Variants in CYSLTR2 observed in about 807,000 individuals in gnomAD.
The protein encoded by CYSLTR2 is cysteinyl leukotriene receptor 2, also known as G-protein coupled receptor GPCR21.
For missense variants in CYSLTR2, 398 were observed against 411.9 expected (o/e 0.97, Z 0.29); for synonymous variants, 179 against 160.8 (o/e 1.11, Z -0.86).
Position 48,673,374 on chromosome 13 carries a change from T to A in CYSLTR2, c.-265-17838T>A, listed in dbSNP as rs555861374. On this transcript the variant is annotated intron_variant, in intron 1 of 4. Transcript: ENST00000682523. ...TCATTATGTGATTCCCTTCTTTGCC[T>A]TTTTTGATCTTTGTTGGTTTAAAGT... is the stretch of plus-strand genomic sequence containing the variant. Among the ~76,000 whole-genome samples, 102 of 152,096 alleles carry A rather than the reference T, an allele frequency of 6.7e-4. 1 individual carries two copies. Among genetic ancestry groups the A allele is most frequent in the African/African-American group, 2.2e-3 (93 of 41,500 alleles).
At chr13:48,661,779 CATGTA>C (rs1392099133) in intron 1 of CYSLTR2, among the ~76,000 whole-genome samples, 1 of 152,152 alleles carries the variant, frequency 6.6e-6, no homozygotes, top group Admixed American at 6.5e-5. Context: ...TGTTTCTATA[CATGTA>C]ATGTATATTG....
intron 1 of CYSLTR2, among the ~76,000 whole-genome samples, chr13:48,682,205 C>T (rs1313234511): frequency 2.6e-5 from 4 of 152,106 alleles, no homozygotes; most frequent in Admixed American, 2.0e-4. Flanking sequence ...CTTTATTGAC[C>T]TGGCTTGTGC....
chr13:48,673,433 C>CTTTTT (rs61699943), intron 1 of CYSLTR2, among the ~76,000 whole-genome samples: 28 of 48,312 alleles, frequency 5.8e-4, no homozygotes, highest in East Asian at 8.5e-4. Context: ...GTAACCCCGG[C>CTTTTT]TTTTTTTTTT....
intron 1 of CYSLTR2, among the ~76,000 whole-genome samples, chr13:48,654,860 C>G (rs1480999596): frequency 2.6e-5 from 4 of 152,146 alleles, no homozygotes; most frequent in Non-Finnish European, 5.9e-5. Flanking sequence ...TCAGGTGGTT[C>G]TAATGGGTGG....
chr13:48,707,401 T>C lies in CYSLTR2; in HGVS notation c.584T>C (p.Ile195Thr), dbSNP rs1351744290. 3.1e-6 allele frequency: 5 copies of C among 1,613,960 alleles called. No homozygotes were observed. In the African/African-American group the frequency reaches 4.0e-5, roughly 13 times the overall value. The change falls in exon 5 of 5, where the codon ATT becomes ACT. Residue 195 changes from isoleucine (I) to threonine (T), a missense_variant. Coordinates refer to ENST00000682523, the MANE Select transcript of CYSLTR2 (RefSeq NM_001308476.3). ...TSCLELNLYK[I>T]AKLQTMNYIA... Reference sequence around the variant, plus strand: ...TGCTTAGAGCTGAATCTCTATAAAATTGCTAAGCTGCAGACCATGAACTAT... The same window carrying C: ...TGCTTAGAGCTGAATCTCTATAAAACTGCTAAGCTGCAGACCATGAACTAT...
chr13:48,688,428 C>T (rs1430468217), intron 1 of CYSLTR2, among the ~76,000 whole-genome samples: 1 of 152,170 alleles, frequency 6.6e-6, no homozygotes, highest in Non-Finnish European at 1.5e-5. Flanking sequence ...GGCCAATAGG[C>T]CCTGATGTGT....
chr13:48,681,225 C>T (rs1156745607), intron 1 of CYSLTR2, among the ~76,000 whole-genome samples: 3 of 152,162 alleles, frequency 2.0e-5, no homozygotes, highest in Non-Finnish European at 4.4e-5. Flanking sequence ...AATTCTAGAA[C>T]TCAGTGTTGC....
rs191132879 is a variant in CYSLTR2, at chr13:48,690,120, T to C, written c.-265-1092T>C. Among the ~76,000 whole-genome samples, 504 of 152,364 alleles carry C rather than the reference T, an allele frequency of 3.3e-3. 4 individuals are homozygous for C. The highest frequency in any genetic ancestry group is 3.9e-3 in the Non-Finnish European group (262 of 68,046). On this transcript the variant is annotated intron_variant, in intron 1 of 4. Transcript: ENST00000682523. Reference sequence around the variant, plus strand: ...ACATTGATTTTGTATCCTGAGACTTTGCTGAATTTGCTTTGCTGAAGGAGT... The same window carrying C: ...ACATTGATTTTGTATCCTGAGACTTCGCTGAATTTGCTTTGCTGAAGGAGT...
At chr13:48,679,501 C>G (rs1953692744) in intron 1 of CYSLTR2, among the ~76,000 whole-genome samples, 2 of 152,194 alleles carry the variant, frequency 1.3e-5, no homozygotes, top group African/African-American at 4.8e-5. Context: ...CCACATCCTA[C>G]CACTAACTTG....
chr13:48,705,841 G>T (rs1954467394), intron 4 of CYSLTR2, among the ~76,000 whole-genome samples: 1 of 151,388 alleles, frequency 6.6e-6, no homozygotes, highest in South Asian at 2.1e-4. Context: ...GACTCTAAAA[G>T]GGAAGGACAG....
intron 1 of CYSLTR2, among the ~76,000 whole-genome samples, chr13:48,671,591 G>A (rs920088919): frequency 1.8e-4 from 27 of 152,138 alleles, no homozygotes; most frequent in East Asian, 5.8e-4. Flanking sequence ...ATTGATTTGC[G>A]TATGTTGAAC....
intron 1 of CYSLTR2, among the ~76,000 whole-genome samples, chr13:48,684,314 T>G (rs868154441): frequency 1.9e-4 from 29 of 152,126 alleles, no homozygotes; most frequent in Middle Eastern, 6.8e-3. Flanking sequence ...TGAGAGATTC[T>G]CATTATGAAC....
chr13:48,674,561 A>G (rs1285140360), intron 1 of CYSLTR2, among the ~76,000 whole-genome samples: 1 of 152,200 alleles, frequency 6.6e-6, no homozygotes, highest in East Asian at 1.9e-4. Flanking sequence ...GCATTGGGCT[A>G]GAACATGATC....
chr13:48,672,673 A>G (rs1285657704), intron 1 of CYSLTR2, among the ~76,000 whole-genome samples: 1 of 139,746 alleles, frequency 7.2e-6, no homozygotes, highest in African/African-American at 2.7e-5. Context: ...GTTGGACTGC[A>G]GTGGCACAAT....
intron 4 of CYSLTR2, among the ~76,000 whole-genome samples, chr13:48,699,982 C>A (rs886327514): frequency 6.6e-6 from 1 of 151,968 alleles, no homozygotes; most frequent in Non-Finnish European, 1.5e-5. Context: ...GAAGTTGAAT[C>A]CCTGAATAGA....
intron 1 of CYSLTR2, among the ~76,000 whole-genome samples, chr13:48,655,221 T>C (rs1206683532): frequency 1.3e-5 from 2 of 152,190 alleles, no homozygotes; most frequent in African/African-American, 4.8e-5. Context: ...ATCACGCCCA[T>C]ATCTGCTAGA....
chr13:48,668,996 A>G (rs991154946), intron 1 of CYSLTR2, among the ~76,000 whole-genome samples: 1 of 152,040 alleles, frequency 6.6e-6, no homozygotes, highest in Admixed American at 6.6e-5. Flanking sequence ...CATTTTCTTT[A>G]TCCAGTCTAT....
intron 1 of CYSLTR2, among the ~76,000 whole-genome samples, chr13:48,659,669 G>A (rs1953082071): frequency 2.0e-5 from 3 of 152,240 alleles, no homozygotes; most frequent in Admixed American, 2.0e-4. Context: ...TCAATCCGTA[G>A]GGATTTATTG....
chr13:48,674,453 G>A (rs985915666), intron 1 of CYSLTR2, among the ~76,000 whole-genome samples: 3 of 152,124 alleles, frequency 2.0e-5, no homozygotes, highest in African/African-American at 7.2e-5. Context: ...TTCTCGTGCT[G>A]TGTTCTTCAG....
Sources: gnomAD v4.1 joint callset for allele counts (sites outside exome capture counted in the v4.1 genomes callset) on GRCh38, gnomAD v4.1.1 for gene constraint, MANE v1.5 for transcripts, NCBI Gene and HGNC (gene_info 2026-07-23, HGNC 2026-07-21) for gene names.